Variants in DHRS4 observed in about 807,000 individuals in gnomAD.
The protein encoded by DHRS4 is dehydrogenase/reductase 4.
In DHRS4, 20 loss-of-function variants were observed where a neutral mutation model predicts 28.4. The observed-to-expected ratio is 0.71, with a 90% CI of 0.50 to 1.02. DHRS4 has a LOEUF of 1.02. Ranked by LOEUF, DHRS4 falls within the 50% of genes least tolerant of loss-of-function variation. The pLI, the probability that DHRS4 is intolerant of heterozygous loss-of-function variation, is 0.00. For missense variants in DHRS4, 378 were observed against 367.2 expected (o/e 1.03, Z -0.24); for synonymous variants, 144 against 146.4 (o/e 0.98, Z 0.12).
intron 2 of DHRS4, among the ~76,000 whole-genome samples, chr14:23,959,589 C>T (rs7156226): frequency 0.2 from 29,775 of 151,534 alleles, 7,181 homozygotes; most frequent in African/African-American, 0.58. Flanking sequence ...AAATGGTTAG[C>T]GGCAGATCTT....
intron 1 of DHRS4, among the ~76,000 whole-genome samples, chr14:23,954,641 G>C (rs1479204324): frequency 3.3e-5 from 5 of 152,222 alleles, no homozygotes; most frequent in Non-Finnish European, 5.9e-5. Flanking sequence ...ATAGAATTTT[G>C]AGAATGATGT....
intron 2 of DHRS4, among the ~76,000 whole-genome samples, chr14:23,956,128 G>A (rs937155612): frequency 1.3e-5 from 2 of 152,218 alleles, no homozygotes; most frequent in Admixed American, 6.5e-5. Flanking sequence ...TCTGGCAAAT[G>A]CTCAAATGTG....
intron 4 of DHRS4, 48 bp downstream of exon 4, chr14:23,965,880 C>T (rs1479639192): frequency 1.9e-6 from 3 of 1,606,564 alleles, no homozygotes; most frequent in Non-Finnish European, 8.5e-7. Flanking sequence ...ACCACACGGG[C>T]TGAGGGCACT....
At chr14:23,965,864 G>A in intron 4 of DHRS4, 32 bp downstream of exon 4, 3 of 1,606,740 alleles carry the variant, frequency 1.9e-6, no homozygotes, top group South Asian at 1.1e-5. Context: ...CTGGGTGAGA[G>A]GGGACACCAC....
rs780048095 is a variant in DHRS4, at chr14:23,966,383, C to T, written c.632C>T (p.Ala211Val). ...AGGAACATTAGGGTGAACTGCCTAGCACCTGGACTTATCAAGACTAGCTTC... is the reference window on the plus strand; with the variant it reads ...AGGAACATTAGGGTGAACTGCCTAGTACCTGGACTTATCAAGACTAGCTTC... ...APRNIRVNCL[A>V]PGLIKTSFSR... is the part of the protein sequence containing the mutation. Residue 211 changes from alanine to valine, a missense_variant, in exon 6 of 8, where the codon GCA (alanine) becomes GTA (valine). Physicochemically the swap from Ala to Val is moderately conservative, Grantham distance 64. Coordinates refer to ENST00000313250, the MANE Select transcript of DHRS4 (RefSeq NM_021004.4). The T allele has an allele frequency of 1.2e-6, 2 of 1,614,028 alleles. No individual in the cohort carries two copies. The highest frequency in any genetic ancestry group is 2.2e-5 in the East Asian group (1 of 44,888).
intron 2 of DHRS4, among the ~76,000 whole-genome samples, chr14:23,957,522 A>T (rs908633424): frequency 6.6e-6 from 1 of 151,502 alleles, no homozygotes; most frequent in African/African-American, 2.4e-5. Flanking sequence ...TGGTGTAGTG[A>T]TCACACAATT....
intron 7 of DHRS4, among the ~76,000 whole-genome samples, chr14:23,968,554 T>A (rs2138487383): frequency 6.6e-6 from 1 of 151,452 alleles, no homozygotes; most frequent in East Asian, 1.9e-4. Flanking sequence ...GGGTAATAGT[T>A]TTGCAGAGTA....
rs776268240 is a variant in DHRS4 at position 23,955,200 on chromosome 14, G to A, written c.294G>A (p.Arg98=). The A allele has an allele frequency of 6.2e-6, 10 of 1,613,134 alleles. No homozygotes were observed. The highest frequency in any genetic ancestry group is 8.5e-6 in the Non-Finnish European group (10 of 1,179,526). Residue 98 remains arginine (R), a synonymous_variant, in exon 2 of 8, where the codon CGG becomes CGA. Transcript: ENST00000313250. ...TGGGGAAGGCGGAGGACCGGGAGCG[G>A]CTGGTGGCCACGGTGAGCTGCAGGG... The part of the protein sequence containing the change: ...CHVGKAEDRE[R]LVATAVKLHG...
intron 3 of DHRS4, among the ~76,000 whole-genome samples, chr14:23,960,306 A>G (rs543191888): frequency 6.6e-6 from 1 of 152,210 alleles, no homozygotes; most frequent in South Asian, 2.1e-4. Context: ...GATTTCCAAC[A>G]GAGACGTAGG....
chr14:23,966,311 C>G lies in DHRS4; in HGVS notation c.560C>G (p.Thr187Arg). Reference protein sequence around the residue: ...PGFSPYNVSKTALLGLTKTLA... With the variant: ...PGFSPYNVSKRALLGLTKTLA... ...TTCAGTCCTTACAATGTCAGTAAAA[C>G]AGCCTTGCTGGGCCTGACCAAGACC... Residue 187 changes from threonine (T) to arginine (R), a missense_variant, in exon 6 of 8, where the codon ACA (threonine) becomes AGA (arginine). Thr to Arg is a moderately conservative substitution (Grantham distance 71). Coordinates refer to ENST00000313250, the MANE Select transcript of DHRS4 (RefSeq NM_021004.4). 3 of 1,614,030 alleles carry G rather than the reference C, an allele frequency of 1.9e-6. No homozygotes were observed. The highest frequency in any genetic ancestry group is 2.5e-6 in the Non-Finnish European group (3 of 1,180,022).
intron 1 of DHRS4, 30 bp downstream of exon 1, chr14:23,953,946 C>G (rs780769186): frequency 8.3e-6 from 13 of 1,557,314 alleles, no homozygotes; most frequent in Admixed American, 1.9e-5. Context: ...TTTCTGAGGC[C>G]CTGGCTGCCT....
At chr14:23,954,262 A>G in intron 1 of DHRS4, 1 of 238,742 alleles carries the variant, frequency 4.2e-6, no homozygotes, top group Non-Finnish European at 8.3e-6. Flanking sequence ...TGGATTTCAA[A>G]ATACTATCCC....
At chr14:23,955,908 G>C (rs539793808) in intron 2 of DHRS4, among the ~76,000 whole-genome samples, 1 of 152,242 alleles carries the variant, frequency 6.6e-6, no homozygotes, top group Non-Finnish European at 1.5e-5. Flanking sequence ...ATTCACAAAG[G>C]AAGCTCCTCT....
chr14:23,954,263 A>T (rs1181407264), intron 1 of DHRS4: 3 of 235,438 alleles, frequency 1.3e-5, no homozygotes, highest in African/African-American at 6.8e-5. Context: ...GGATTTCAAA[A>T]TACTATCCCA....
intron 2 of DHRS4, among the ~76,000 whole-genome samples, chr14:23,959,539 C>T (rs970911810): frequency 2.0e-5 from 3 of 152,096 alleles, no homozygotes; most frequent in African/African-American, 7.3e-5. Context: ...GTCTGGATGA[C>T]AGAGCAAGAC....
Position 23,968,772 on chromosome 14 carries a change from G to A in DHRS4, c.738G>A (p.Glu246=), listed in dbSNP as rs758029520. 42 of 1,604,910 alleles carry A rather than the reference G, an allele frequency of 2.6e-5. 1 individual carries two copies. Among genetic ancestry groups the A allele is most frequent in the African/African-American group, 5.4e-5 (4 of 74,490 alleles). The change falls in exon 8 of 8, where the codon GAG becomes GAA. Residue 246 remains glutamate (E), a synonymous_variant. Coordinates refer to ENST00000313250, the MANE Select transcript of DHRS4 (RefSeq NM_021004.4). ...TLRIRRLGEP[E]DCAGIVSFLC... is the part of the protein sequence containing the mutation. ...TATTCCCCAGGTTAGGCGAGCCAGAGGATTGTGCTGGCATCGTGTCTTTCC... is the reference window on the plus strand; with the variant it reads ...TATTCCCCAGGTTAGGCGAGCCAGAAGATTGTGCTGGCATCGTGTCTTTCC...
intron 6 of DHRS4, among the ~76,000 whole-genome samples, chr14:23,966,872 A>G (rs2033642710): frequency 6.6e-6 from 1 of 152,354 alleles, no homozygotes; most frequent in Admixed American, 6.5e-5. Flanking sequence ...ACATAAAGAG[A>G]TTTCTGGGTG....
intron 3 of DHRS4, among the ~76,000 whole-genome samples, chr14:23,962,609 C>T (rs1385966121): frequency 6.6e-6 from 1 of 151,828 alleles, no homozygotes; most frequent in Non-Finnish European, 1.5e-5. Context: ...TTGCTATTTC[C>T]ACCACATCTG....
chr14:23,967,571 T>C, intron 7 of DHRS4: 1 of 604,504 alleles, frequency 1.7e-6, no homozygotes, highest in Non-Finnish European at 3.0e-6. Flanking sequence ...CCAGGGACCA[T>C]AACCAAAACC....
Sources: gnomAD v4.1 joint callset for allele counts (sites outside exome capture counted in the v4.1 genomes callset) on GRCh38, gnomAD v4.1.1 for gene constraint, MANE v1.5 for transcripts, NCBI Gene and HGNC (gene_info 2026-07-23, HGNC 2026-07-21) for gene names.